The following RNF41 variants were observed in gnomAD, a reference collection of about 807,000 sequenced individuals.
The protein encoded by RNF41 is ring finger protein 41, also known as E3 ubiquitin-protein ligase NRDP1.
Under a neutral mutation model 33.0 loss-of-function variants are expected in RNF41, and 4 were observed. That is an observed-to-expected ratio of 0.12 (90% CI 0.06 to 0.28). The LOEUF (loss-of-function observed/expected upper bound fraction) is 0.28. Among genes scored for constraint, RNF41 ranks in the 10% least tolerant of loss-of-function variants. The pLI is 1.00. For missense variants in RNF41, 228 were observed against 432.6 expected (o/e 0.53, Z 4.19); for synonymous variants, 164 against 153.2 (o/e 1.07, Z -0.52).
At chr12:56,218,690 A>G (rs1869097387) in intron 1 of RNF41, among the ~76,000 whole-genome samples, 1 of 148,458 alleles carries the variant, frequency 6.7e-6, no homozygotes, top group African/African-American at 2.5e-5. Flanking sequence ...ATATATACAT[A>G]TTTATTATAT....
At chr12:56,214,746 T>C (rs1168993136) in intron 2 of RNF41, among the ~76,000 whole-genome samples, 1 of 151,796 alleles carries the variant, frequency 6.6e-6, no homozygotes, top group African/African-American at 2.4e-5. Flanking sequence ...CAAGAATCAC[T>C]TGAACCCAGG....
chr12:56,218,471 C>T (rs1308459814), intron 1 of RNF41, among the ~76,000 whole-genome samples: 1 of 150,618 alleles, frequency 6.6e-6, no homozygotes, highest in East Asian at 2.0e-4. Context: ...CCATGTTGCC[C>T]AGGCTGGTCT....
intron 2 of RNF41, among the ~76,000 whole-genome samples, chr12:56,215,717 CAAA>C (rs58103466): frequency 1.5e-4 from 11 of 74,520 alleles, no homozygotes; most frequent in Admixed American, 2.8e-4. Context: ...GACTCTGTCT[CAAA>C]AAAAAAAAAA....
intron 1 of RNF41, among the ~76,000 whole-genome samples, chr12:56,216,863 G>T (rs574575216): frequency 2.0e-5 from 3 of 152,204 alleles, no homozygotes; most frequent in East Asian, 1.9e-4. Flanking sequence ...AAGAGAGGCC[G>T]GGCGTGGTGG....
chr12:56,221,341 G>A (rs1869410481), intron 1 of RNF41, among the ~76,000 whole-genome samples: 1 of 152,172 alleles, frequency 6.6e-6, no homozygotes, highest in African/African-American at 2.4e-5. Flanking sequence ...AGGCATGGGA[G>A]AGGAGCCAAG....
Position 56,208,232 on chromosome 12 carries a change from C to A in RNF41, c.429G>T (p.Gln143His). The A allele has an allele frequency of 6.2e-7, 1 of 1,614,242 alleles. No homozygotes were observed. Among genetic ancestry groups the A allele is most frequent in the South Asian group, 1.1e-5 (1 of 91,092 alleles). ...GCTCTGCGATGCGTGTCTGCTGCTG[C>A]TGTACCACTGAGCGCAGGTGCTTAA... Reference protein sequence around the residue: ...NCIKHLRSVVQQQQTRIAELE... With the variant: ...NCIKHLRSVVHQQQTRIAELE... Residue 143 changes from glutamine (Q) to histidine (H), a missense_variant, in exon 5 of 7, where the codon CAG (glutamine) becomes CAT (histidine). Gln to His is a conservative substitution (Grantham distance 24). Around this residue, in one of 2 missense-constraint regions of RNF41, gnomAD observed 199 missense variants for 334.6 expected, o/e 0.59. Coordinates refer to ENST00000345093, the MANE Select transcript of RNF41 (RefSeq NM_005785.4).
chr12:56,214,102 C>A, intron 2 of RNF41, 32 bp from the exon 3 acceptor site: 1 of 1,110,240 alleles, frequency 9.0e-7, no homozygotes, highest in South Asian at 1.2e-5. Context: ...GAGGCCAGTT[C>A]AGAAGAAGCC....
chr12:56,208,857 C>T (rs1333839299), intron 4 of RNF41, among the ~76,000 whole-genome samples: 5 of 149,650 alleles, frequency 3.3e-5, no homozygotes, highest in Non-Finnish European at 7.4e-5. Context: ...TGAGCCACCG[C>T]GCCTGGCCTT....
rs1868269317 is a variant in RNF41, at chr12:56,206,596, G to C, written c.805C>G (p.Arg269Gly). The C allele has an allele frequency of 6.2e-7, 1 of 1,614,008 alleles. No homozygotes were observed. The highest frequency in any genetic ancestry group is 8.5e-7 in the Non-Finnish European group (1 of 1,180,036). The change falls in exon 7 of 7, where the codon CGA becomes GGA. Residue 269 changes from arginine to glycine, a missense_variant. By Grantham distance (125) the Arg-to-Gly change is moderately radical. Transcript: ENST00000345093. The surrounding 1 kb of genome is among the most constrained non-coding windows in gnomAD (Gnocchi z 5.7). ...LATLETRQMN[R>G]RYYENYVAKR... The stretch of plus-strand genomic sequence containing the variant: ...GCCACGTAGTTCTCATAGTAGCGTC[G>C]GTTCATCTGTCTAGTCTCTAGTGTG...
chr12:56,207,312 T>C, intron 6 of RNF41: 1 of 1,329,470 alleles, frequency 7.5e-7, no homozygotes, highest in Non-Finnish European at 9.9e-7. Flanking sequence ...GTAAGCTACC[T>C]GAAGACAGGA....
At chr12:56,210,037 T>A in intron 4 of RNF41, 1 of 505,030 alleles carries the variant, frequency 2.0e-6, no homozygotes, top group Non-Finnish European at 3.6e-6. Flanking sequence ...AAGGGAAGAA[T>A]AGAGTCAATC....
At chr12:56,215,873 G>A (rs1014477736) in intron 2 of RNF41, among the ~76,000 whole-genome samples, 8 of 152,024 alleles carry the variant, frequency 5.3e-5, no homozygotes, top group Non-Finnish European at 8.8e-5. Flanking sequence ...TGTAATCCTA[G>A]CACTTTGGGA....
At chr12:56,219,417 G>C (rs958431210) in intron 1 of RNF41, among the ~76,000 whole-genome samples, 11 of 150,020 alleles carry the variant, frequency 7.3e-5, no homozygotes, top group African/African-American at 2.7e-4. Context: ...GGATGATCTT[G>C]ATCTCCTGAC....
rs1156685697 is a variant in RNF41 at position 56,214,017 on chromosome 12, C to T, written c.31G>A (p.Asp11Asn). 3 of 1,613,862 alleles carry T rather than the reference C, an allele frequency of 1.9e-6. No individual in the cohort carries two copies. Among genetic ancestry groups the T allele is most frequent in the Non-Finnish European group, 1.7e-6 (2 of 1,179,784 alleles). The change falls in exon 3 of 7, where the codon GAT (aspartate) becomes AAT (asparagine). Residue 11 changes from aspartate to asparagine, a missense_variant. Around this residue, in one of 2 missense-constraint regions of RNF41, gnomAD observed 29 missense variants for 98.0 expected, o/e 0.30. Coordinates refer to ENST00000345093, the MANE Select transcript of RNF41 (RefSeq NM_005785.4). ...GGGCAGATAAGATCTTCGTCAACAT[C>T]CCCCTGGAAACGGGTTACATCATAC... MGYDVTRFQG[D>N]VDEDLICPIC...
intron 2 of RNF41, among the ~76,000 whole-genome samples, chr12:56,215,905 T>G (rs796362219): frequency 6.6e-5 from 10 of 151,812 alleles, no homozygotes; most frequent in African/African-American, 2.2e-4. Context: ...GTGGATCACC[T>G]GAGGTCAGGA....
At chr12:56,207,601 T>C in intron 6 of RNF41, 45 bp downstream of exon 6, 2 of 1,405,174 alleles carry the variant, frequency 1.4e-6, no homozygotes, top group Non-Finnish European at 2.0e-6. Flanking sequence ...TTTCAGGCCT[T>C]GTTGTCAGGA....
intron 4 of RNF41, among the ~76,000 whole-genome samples, chr12:56,208,953 C>T (rs1182911765): frequency 6.6e-6 from 1 of 151,160 alleles, no homozygotes; most frequent in Non-Finnish European, 1.5e-5. Context: ...CAACCTCCGC[C>T]TCATGGGTTC....
intron 1 of RNF41, among the ~76,000 whole-genome samples, chr12:56,221,281 G>A (rs1869399625): frequency 1.3e-5 from 2 of 152,186 alleles, no homozygotes; most frequent in Non-Finnish European, 2.9e-5. Context: ...GGAGGGCTGG[G>A]AGGGGGTGAG....
At chr12:56,210,204 G>C in intron 4 of RNF41, 93 bp downstream of exon 4, 1 of 1,395,320 alleles carries the variant, frequency 7.2e-7, no homozygotes, top group South Asian at 1.3e-5. Context: ...ACATGCCAAA[G>C]AGACCTCCTC....
Sources: gnomAD v4.1 joint callset for allele counts (sites outside exome capture counted in the v4.1 genomes callset) on GRCh38, gnomAD v4.1.1 for gene constraint, gnomAD v4.1.1 regional missense constraint, Gnocchi (gnomAD v3.1) non-coding constraint, MANE v1.5 for transcripts, NCBI Gene and HGNC (gene_info 2026-07-23, HGNC 2026-07-21) for gene names.